The following DLGAP1 variants were observed in gnomAD, a reference collection of about 807,000 sequenced individuals.
The protein encoded by DLGAP1 is disks large-associated protein 1.
DLGAP1 carries 11 observed loss-of-function variants against 90.8 expected under a neutral mutation model. The ratio of observed to expected loss-of-function variants is 0.12; its 90% CI spans 0.08 to 0.20. The LOEUF (loss-of-function observed/expected upper bound fraction) is 0.20. DLGAP1 is among the 10% of genes least tolerant of loss of function. The pLI is 1.00. For synonymous variants in DLGAP1, 558 were observed against 540.7 expected (o/e 1.03, Z -0.44); for missense variants, 1,050 against 1,333.8 (o/e 0.79, Z 3.31).
Position 3,563,946 on chromosome 18 carries a change from C to T in DLGAP1, c.2057+3544G>A, listed in dbSNP as rs541196142. 2.0e-5 allele frequency among the ~76,000 whole-genome samples: 3 copies of T among 152,278 alleles called. No homozygotes were observed. The East Asian group carries it at 5.8e-4, about 29-fold the overall frequency. On this transcript the variant is annotated intron_variant, in intron 9 of 12. Coordinates refer to ENST00000315677, the MANE Select transcript of DLGAP1 (RefSeq NM_004746.4). ...ATTTCTTTTTAAATCTCTCTTAGAA[C>T]TCTTTTTCATTCTCCATCTCTCTAC...
intron 1 of DLGAP1, among the ~76,000 whole-genome samples, chr18:4,368,217 C>A (rs1482263275): frequency 1.3e-5 from 2 of 152,126 alleles, no homozygotes; most frequent in African/African-American, 4.8e-5. Context: ...TGTCTAACTG[C>A]CGCAATATTA....
At chr18:4,278,890 C>T (rs183928466) in intron 1 of DLGAP1, among the ~76,000 whole-genome samples, 2 of 152,098 alleles carry the variant, frequency 1.3e-5, no homozygotes, top group Non-Finnish European at 2.9e-5. Flanking sequence ...TGGGTAGATA[C>T]CCATTAGTGG....
chr18:3,787,506 A>C (rs2065514980), intron 5 of DLGAP1, among the ~76,000 whole-genome samples: 1 of 113,906 alleles, frequency 8.8e-6, no homozygotes, highest in Non-Finnish European at 1.9e-5. Context: ...AAAAAAAAAA[A>C]AAAAAAGGTA....
intron 2 of DLGAP1, among the ~76,000 whole-genome samples, chr18:4,018,863 C>G (rs1041239823): frequency 2.6e-5 from 4 of 152,156 alleles, no homozygotes; most frequent in Non-Finnish European, 5.9e-5. Context: ...AAAAGGTACT[C>G]CGATTTGGGG....
At chr18:3,672,201 G>GACACACACAC (rs3223621) in intron 7 of DLGAP1, among the ~76,000 whole-genome samples, 1,769 of 143,558 alleles carry the variant, frequency 0.012, 17 homozygotes, top group East Asian at 0.026. Flanking sequence ...CTGCTGATTA[G>GACACACACAC]ACACACACAC....
intron 3 of DLGAP1, among the ~76,000 whole-genome samples, chr18:3,932,896 A>G (rs2072550138): frequency 6.6e-6 from 1 of 152,210 alleles, no homozygotes; most frequent in African/African-American, 2.4e-5. Flanking sequence ...CAGGTAGGAA[A>G]AGCTGGGCCA....
intron 7 of DLGAP1, among the ~76,000 whole-genome samples, chr18:3,728,474 C>A (rs1381271769): frequency 2.0e-5 from 3 of 151,912 alleles, no homozygotes; most frequent in Admixed American, 2.0e-4. Flanking sequence ...TGTCTCCGTG[C>A]CTAAAATCTA....
Position 3,729,614 on chromosome 18 carries a change from G to A in DLGAP1, c.1351-239C>T, listed in dbSNP as rs1568028461. On this transcript the variant is annotated intron_variant, in intron 6 of 12. Transcript: ENST00000315677. This position sits in a 1 kb window ranked among gnomAD's most constrained non-coding sequence, Gnocchi z 6.2. Reference sequence around the variant, plus strand: ...AGTAGAGACAGGGTTTCACCGTGTTGGCCAGGCTGGTCTCGAACTCCTGAC... The same window carrying A: ...AGTAGAGACAGGGTTTCACCGTGTTAGCCAGGCTGGTCTCGAACTCCTGAC... 6.6e-6 allele frequency among the ~76,000 whole-genome samples: 1 copy of A among 151,728 alleles called. No individual in the cohort carries two copies. The highest frequency in any genetic ancestry group is 2.4e-5 in the African/African-American group (1 of 41,244).
At chr18:3,991,633 C>T (rs1280720107) in intron 3 of DLGAP1, among the ~76,000 whole-genome samples, 1 of 152,196 alleles carries the variant, frequency 6.6e-6, no homozygotes, top group African/African-American at 2.4e-5. Context: ...GCCCTTCTCC[C>T]TTCTCCCCAG....
rs71368742 is a variant in DLGAP1 at position 4,348,400 on chromosome 18, A to ATGTGTATGTGTGTGTGTG, written c.-267+106605_-267+106606insCACACACACACATACACA. On this transcript the variant is annotated intron_variant, in intron 1 of 12. Transcript: ENST00000315677. ...CAGGTGCCTCAGGATGAACTCAGGA[A>ATGTGTATGTGTGTGTGTG]TGTGTGTGTGTGTGTGTGTGTGTGT... Among the ~76,000 whole-genome samples, 247 of 133,560 alleles carry ATGTGTATGTGTGTGTGTG rather than the reference A, an allele frequency of 1.8e-3. 7 individuals carry two copies. The highest frequency in any genetic ancestry group is 6.1e-3 in the African/African-American group (199 of 32,716). 87.6% of individuals were successfully genotyped at this position (133,560 alleles called of 152,430 possible). A position where few individuals can be genotyped will look rare whatever the true frequency, so the allele number is the denominator to read the frequency against.
At chr18:4,167,871 G>A (rs2144560631) in intron 1 of DLGAP1, among the ~76,000 whole-genome samples, 1 of 152,108 alleles carries the variant, frequency 6.6e-6, no homozygotes, top group South Asian at 2.1e-4. Flanking sequence ...AAGTACCTAG[G>A]TACACAAAAA....
At chr18:3,881,497 T>C (rs1192262337) in intron 3 of DLGAP1, among the ~76,000 whole-genome samples, 1 of 152,206 alleles carries the variant, frequency 6.6e-6, no homozygotes, top group Non-Finnish European at 1.5e-5. Context: ...AGGATCTCTC[T>C]TCCGGCTTAT....
chr18:3,667,429 G>C (rs2059924066), intron 7 of DLGAP1, among the ~76,000 whole-genome samples: 1 of 152,070 alleles, frequency 6.6e-6, no homozygotes, highest in Non-Finnish European at 1.5e-5. Flanking sequence ...TACAAAATGA[G>C]GCTGATAATA....
At chr18:4,089,305 A>T (rs1186708696) in intron 2 of DLGAP1, among the ~76,000 whole-genome samples, 3 of 152,342 alleles carry the variant, frequency 2.0e-5, no homozygotes, top group East Asian at 1.9e-4. Context: ...ATAAAAGAGG[A>T]CAGAAACAAA....
chr18:3,522,818 T>C (rs1269745363), intron 10 of DLGAP1, among the ~76,000 whole-genome samples: 1 of 152,046 alleles, frequency 6.6e-6, no homozygotes, highest in Admixed American at 6.6e-5. Flanking sequence ...GCTGGGATTA[T>C]AGGTGTAAAC....
chr18:3,884,920 G>A (rs1004221409), intron 3 of DLGAP1, among the ~76,000 whole-genome samples: 2 of 152,098 alleles, frequency 1.3e-5, no homozygotes, highest in Non-Finnish European at 2.9e-5. Context: ...TATCTTTCTG[G>A]TCAAGGCCAA....
At chr18:4,192,497 AC>A (rs2077420293) in intron 1 of DLGAP1, among the ~76,000 whole-genome samples, 1 of 152,142 alleles carries the variant, frequency 6.6e-6, no homozygotes, top group Non-Finnish European at 1.5e-5. Context: ...TTATCCTGTA[AC>A]CCCAACTAAC....
intron 10 of DLGAP1, among the ~76,000 whole-genome samples, chr18:3,525,218 C>T (rs1017282231): frequency 1.2e-4 from 18 of 151,814 alleles, no homozygotes; most frequent in African/African-American, 4.3e-4. Flanking sequence ...GATGGTCATT[C>T]TTTGGATCAA....
chr18:3,615,516 G>A (rs900337997), intron 7 of DLGAP1, among the ~76,000 whole-genome samples: 4 of 152,204 alleles, frequency 2.6e-5, no homozygotes. Flanking sequence ...ACGCCCAGGT[G>A]AGGAGAGAAA....
Sources: allele counts gnomAD v4.1 joint callset (sites outside exome capture counted in the v4.1 genomes callset), GRCh38; gene constraint gnomAD v4.1.1; non-coding constraint Gnocchi (gnomAD v3.1); transcripts MANE v1.5; gene names NCBI Gene and HGNC (gene_info 2026-07-23, HGNC 2026-07-21).